Variants in TMEM222 observed in about 807,000 individuals in gnomAD.
TMEM222 encodes transmembrane protein 222.
In TMEM222, 18 loss-of-function variants were observed where a neutral mutation model predicts 25.1. That is an observed-to-expected ratio of 0.72 (90% CI 0.50 to 1.06). The LOEUF (loss-of-function observed/expected upper bound fraction) is 1.06. TMEM222 is among the 50% of genes least tolerant of loss of function. The pLI, the probability that TMEM222 is intolerant of heterozygous loss-of-function variation, is 0.00. For missense variants in TMEM222, 296 were observed against 293.7 expected, an observed-to-expected ratio of 1.01 and a Z score of -0.06; for synonymous variants, 131 against 117.9, an observed-to-expected ratio of 1.11 and a Z score of -0.72.
chr1:27,333,634 C>T (rs1324194417), intron 3 of TMEM222: 10 of 408,136 alleles, frequency 2.5e-5, no homozygotes, highest in Non-Finnish European at 1.4e-5. Context: ...CTAATCACCC[C>T]ATGGCCTAAT....
In TMEM222 at chr1:27,334,291, C is replaced by T. The variant is rs770119659; in HGVS notation, c.539+10C>T. ...ACGGGAAGTACGTCAGGTGAGCTGC[C>T]CTCCTGCCTGCCCACCCACACACTG... On this transcript the variant is annotated intron_variant, in intron 5 of 5. Coordinates refer to ENST00000374076, the MANE Select transcript of TMEM222 (RefSeq NM_032125.3). 6.2e-5 allele frequency: 100 copies of T among 1,613,914 alleles called. No individual in the cohort carries two copies. The highest frequency in any genetic ancestry group is 7.8e-5 in the Non-Finnish European group (92 of 1,179,926).
intron 1 of TMEM222, 69 bp downstream of exon 1, chr1:27,322,460 G>A: frequency 7.7e-7 from 1 of 1,299,258 alleles, no homozygotes; most frequent in Non-Finnish European, 1.0e-6. Flanking sequence ...GGCCGGGCTA[G>A]CCTCCGGCCC....
In TMEM222 at chr1:27,322,304, A is replaced by C. The variant is rs771005819; in HGVS notation, c.107A>C (p.Gln36Pro). ...APTAAETDMK[Q>P]YQGSGGVAMD... ...ACGGCGGCCGAGACGGACATGAAGC[A>C]ATATCAAGGCTCCGGCGGCGTCGCC... Residue 36 changes from glutamine (Q) to proline (P), a missense_variant, in exon 1 of 6, where the codon CAA becomes CCA. Coordinates refer to ENST00000374076, the MANE Select transcript of TMEM222 (RefSeq NM_032125.3). The C allele has an allele frequency of 6.4e-7, 1 of 1,563,324 alleles. No homozygotes were observed. The highest frequency in any genetic ancestry group is 8.7e-7 in the Non-Finnish European group (1 of 1,152,344).
At chr1:27,330,896 C>T (rs1393117443) in intron 2 of TMEM222, 92 bp downstream of exon 2, 3 of 1,591,762 alleles carry the variant, frequency 1.9e-6, no homozygotes, top group African/African-American at 2.7e-5. Context: ...CTCCCCAGAC[C>T]CAGGAGAACG....
intron 1 of TMEM222, chr1:27,325,307 T>A: frequency 1.5e-6 from 1 of 653,040 alleles, no homozygotes; most frequent in East Asian, 3.0e-5. Flanking sequence ...TGCAGATTCG[T>A]GAAGCGTTCC....
At chr1:27,326,404 G>A (rs1299505178) in intron 1 of TMEM222, among the ~76,000 whole-genome samples, 2 of 151,164 alleles carry the variant, frequency 1.3e-5, no homozygotes, top group South Asian at 4.2e-4. Context: ...GTTTTTTTTT[G>A]TATGCAATTC....
rs1264298345 is a variant in TMEM222 at position 27,322,353 on chromosome 1, C to T, written c.156C>T (p.Phe52=). The T allele has an allele frequency of 4.6e-6, 7 of 1,514,146 alleles. No homozygotes were observed. The Admixed American group carries it at 8.1e-5, about 18-fold the overall frequency. The allele number at this position is 1,514,146 out of a possible 1,614,324, so 93.8% of individuals were successfully genotyped here. A position where few individuals can be genotyped will look rare whatever the true frequency, so the allele number is the denominator to read the frequency against. The change falls in exon 1 of 6, where the codon TTC becomes TTT. Residue 52 remains phenylalanine (F), a synonymous_variant. Transcript: ENST00000374076. ...CCATGGATGTGGAACGGAGTCGCTT[C>T]CCCTACTGCGTGGTGTGGACGCCCA... ...GVAMDVERSR[F]PYCVVWTPIP...
intron 1 of TMEM222, among the ~76,000 whole-genome samples, chr1:27,326,437 A>G (rs1264384804): frequency 2.0e-5 from 3 of 152,170 alleles, no homozygotes; most frequent in African/African-American, 7.2e-5. Flanking sequence ...GGAGATGAGA[A>G]CAGATTTTGG....
At chr1:27,335,351 C>T (rs762661198) in intron 5 of TMEM222, 28 bp from the exon 6 acceptor site, 1 of 1,612,004 alleles carries the variant, frequency 6.2e-7, no homozygotes, top group Admixed American at 1.7e-5. Flanking sequence ...GCCCTGCCCA[C>T]CTATGCTCGC....
chr1:27,332,358 G>A, intron 3 of TMEM222: 1 of 716,286 alleles, frequency 1.4e-6, no homozygotes, highest in Non-Finnish European at 2.6e-6. Context: ...TCAACTCCAT[G>A]GCAAGGGTGA....
In TMEM222 at chr1:27,325,893, A is replaced by G. The variant is rs1437494126; in HGVS notation, c.194+3502A>G. The G allele has an allele frequency of 8.2e-6, 6 of 732,920 alleles. No homozygotes were observed. In the African/African-American group the frequency reaches 1.0e-4, roughly 13 times the overall value. The allele number at this position is 732,920 out of a possible 1,614,324, so 45.4% of individuals were successfully genotyped here. On this transcript the variant is annotated intron_variant, in intron 1 of 5. Coordinates refer to ENST00000374076, the MANE Select transcript of TMEM222 (RefSeq NM_032125.3). ...GCATATACCTCATGCTAGCCTCACG[A>G]AAATGGAATAAGCCTTCGAAAAGAA...
At chr1:27,334,901 G>C (rs1042024281) in intron 5 of TMEM222, 2 of 887,622 alleles carry the variant, frequency 2.3e-6, no homozygotes, top group African/African-American at 1.8e-5. Flanking sequence ...CACAGAGGTT[G>C]AACCCAGACC....
At position 27,335,744 on chromosome 1, in the gene TMEM222, G is replaced by A. The variant is rs3813792; in HGVS notation, c.*278G>A. The A allele has an allele frequency of 8.1e-6, 4 of 492,380 alleles. No homozygotes were observed. The highest frequency in any genetic ancestry group is 7.5e-5 in the East Asian group (2 of 26,812). The allele number at this position is 492,380 out of a possible 1,614,324, so 30.5% of individuals were successfully genotyped here. On this transcript the variant is annotated 3_prime_UTR_variant, in exon 6 of 6. Coordinates refer to ENST00000374076, the MANE Select transcript of TMEM222 (RefSeq NM_032125.3). ...TTCTGTTGAAAGGCTTTGGCTTCCCGCTGTAGAGCTGCTCCCGCCACCACC... is the reference window on the plus strand; with the variant it reads ...TTCTGTTGAAAGGCTTTGGCTTCCCACTGTAGAGCTGCTCCCGCCACCACC...
chr1:27,325,471 G>C, intron 1 of TMEM222: 1 of 1,409,254 alleles, frequency 7.1e-7, no homozygotes, highest in African/African-American at 1.4e-5. Context: ...TCCTTCCTGG[G>C]TATGGAATCT....
chr1:27,329,318 G>A (rs978391336), intron 1 of TMEM222, among the ~76,000 whole-genome samples: 7 of 151,280 alleles, frequency 4.6e-5, no homozygotes, highest in South Asian at 2.1e-4. Flanking sequence ...TCATGTAACC[G>A]CCACCCAGAC....
intron 2 of TMEM222, chr1:27,331,268 C>T: frequency 1.7e-6 from 1 of 597,412 alleles, no homozygotes; most frequent in Non-Finnish European, 2.2e-6. Flanking sequence ...GTGACCAAGA[C>T]TGGTCCAGTG....
At chr1:27,322,756 G>A (rs1424052181) in intron 1 of TMEM222, among the ~76,000 whole-genome samples, 1 of 152,146 alleles carries the variant, frequency 6.6e-6, no homozygotes, top group Non-Finnish European at 1.5e-5. Flanking sequence ...CTTACTGGTC[G>A]CTTACCATAT....
chr1:27,332,208 A>G lies in TMEM222; in HGVS notation c.311+107A>G, dbSNP rs548278767. Reference sequence around the variant, plus strand: ...GGGGCCAGCACCCTGAGAATAGAGTATTTGGGGTCGGGGGAGAGGTCAGCC... The same window carrying G: ...GGGGCCAGCACCCTGAGAATAGAGTGTTTGGGGTCGGGGGAGAGGTCAGCC... On this transcript the variant is annotated intron_variant, in intron 3 of 5. Coordinates refer to ENST00000374076, the MANE Select transcript of TMEM222 (RefSeq NM_032125.3). 6.9e-4 allele frequency: 957 copies of G among 1,386,692 alleles called. 1 individual carries two copies. The highest frequency in any genetic ancestry group is 9.1e-4 in the Non-Finnish European group (888 of 976,928). 85.9% of individuals were successfully genotyped at this position (1,386,692 alleles called of 1,614,324 possible). A position where few individuals can be genotyped will look rare whatever the true frequency, so the allele number is the denominator to read the frequency against.
Position 27,322,229 on chromosome 1 carries a change from T to C in TMEM222, c.32T>C (p.Leu11Ser). The C allele has an allele frequency of 1.4e-6, 2 of 1,455,128 alleles. No homozygotes were observed. The highest frequency in any genetic ancestry group is 1.8e-6 in the Non-Finnish European group (2 of 1,097,314). The allele number at this position is 1,455,128 out of a possible 1,614,324, so 90.1% of individuals were successfully genotyped here. A position where few individuals can be genotyped will look rare whatever the true frequency, so the allele number is the denominator to read the frequency against. The stretch of plus-strand genomic sequence containing the variant: ...GAAGCGGAAGGGAGTTCTCTGCTCT[T>C]GTTGCCGCCGCCGCCACCCCCGCCC... MAEAEGSSLL[L>S]LPPPPPPPRM... The change falls in exon 1 of 6, where the codon TTG becomes TCG. Residue 11 changes from leucine to serine, a missense_variant. Physicochemically the swap from Leu to Ser is moderately radical, Grantham distance 145 (BLOSUM62 -2). Transcript: ENST00000374076.
Sources: gnomAD v4.1 joint callset for allele counts (sites outside exome capture counted in the v4.1 genomes callset) on GRCh38, gnomAD v4.1.1 for gene constraint, MANE v1.5 for transcripts, NCBI Gene and HGNC (gene_info 2026-07-23, HGNC 2026-07-21) for gene names.